The following LRP5 variants were observed in gnomAD, a reference collection of about 807,000 sequenced individuals.
LRP5 encodes low-density lipoprotein receptor-related protein 5.
Under a neutral mutation model 154.1 loss-of-function variants are expected in LRP5, and 62 were observed. The observed-to-expected ratio is 0.40, with a 90% CI of 0.33 to 0.50. The LOEUF is 0.50. Ranked by LOEUF, LRP5 falls within the 20% of genes least tolerant of loss-of-function variation. LRP5 has a pLI of 0.55. For synonymous variants in LRP5, 966 were observed against 1,011.5 expected (o/e 0.96, Z 0.85); for missense variants, 1,915 against 2,336.7 (o/e 0.82, Z 3.72).
At chr11:68,409,095 TAC>T (rs201493195) in intron 9 of LRP5, among the ~76,000 whole-genome samples, 546 of 27,754 alleles carry the variant, frequency 0.02, 29 homozygotes, top group African/African-American at 0.046. Flanking sequence ...TATATATATA[TAC>T]ACACACATAC....
At chr11:68,308,557 G>A (rs7927186), upstream of LRP5, among the ~76,000 whole-genome samples, 1,992 of 152,210 alleles carry the variant, frequency 0.013, 56 homozygotes, top group African/African-American at 0.046. Context: ...CACATCCTCC[G>A]GTTACTTATT....
Position 68,449,054 on chromosome 11 carries a change from G to C in LRP5, c.4832G>C (p.Cys1611Ser). The C allele has an allele frequency of 6.4e-7, 1 of 1,567,474 alleles. No homozygotes were observed. Among genetic ancestry groups the C allele is most frequent in the Non-Finnish European group, 8.6e-7 (1 of 1,159,126 alleles). Residue 1611 changes from cysteine to serine, a missense_variant, in exon 23 of 23, where the codon TGC becomes TCC. Cys to Ser is a moderately radical substitution (Grantham distance 112). Coordinates refer to ENST00000294304, the MANE Select transcript of LRP5 (RefSeq NM_002335.4). ...FHLFPPPPSP[C>S]TDSS is the part of the protein sequence containing the mutation. ...CTCTTCCCGCCCCCTCCGTCCCCCT[G>C]CACGGACTCATCCTGACCTCGGCCG... is the stretch of plus-strand genomic sequence containing the variant.
intron 6 of LRP5, among the ~76,000 whole-genome samples, chr11:68,389,553 A>G (rs1485492252): frequency 6.6e-6 from 1 of 151,300 alleles, no homozygotes; most frequent in Non-Finnish European, 1.5e-5. Context: ...GATGTTTACC[A>G]ACGCCGACGT....
chr11:68,416,142 T>A (rs2098662411), intron 12 of LRP5, among the ~76,000 whole-genome samples, 186 bp from the exon 13 acceptor site: 1 of 152,156 alleles, frequency 6.6e-6, no homozygotes, highest in Non-Finnish European at 1.5e-5. Context: ...GAGACACATA[T>A]GACACGGAGA....
chr11:68,437,931 G>T (rs543168357), intron 19 of LRP5, among the ~76,000 whole-genome samples: 22 of 152,340 alleles, frequency 1.4e-4, no homozygotes, highest in Admixed American at 1.1e-3. Flanking sequence ...TCGCTGGGCC[G>T]GCCCTGTGGG....
chr11:68,374,952 C>T (rs942511195), intron 5 of LRP5, among the ~76,000 whole-genome samples: 5 of 152,232 alleles, frequency 3.3e-5, no homozygotes, highest in African/African-American at 1.2e-4. Context: ...ACTGTGGTCA[C>T]TGGTTTTGTC....
intron 3 of LRP5, among the ~76,000 whole-genome samples, chr11:68,362,124 C>T (rs1259504457): frequency 6.6e-6 from 1 of 152,166 alleles, no homozygotes; most frequent in East Asian, 1.9e-4. Context: ...CATGCTACAG[C>T]CTGGATGAAC....
chr11:68,370,645 A>G (rs2098633548), intron 5 of LRP5, among the ~76,000 whole-genome samples: 1 of 151,482 alleles, frequency 6.6e-6, no homozygotes, highest in Non-Finnish European at 1.5e-5. Flanking sequence ...CTCAGCCGTC[A>G]GGGGTCACCT....
At chr11:68,389,813 C>G in intron 6 of LRP5, 68 bp from the exon 7 acceptor site, 1 of 1,575,004 alleles carries the variant, frequency 6.3e-7, no homozygotes, top group East Asian at 2.2e-5. Context: ...AGGCCTTGCT[C>G]TTGGCACTGG....
chr11:68,445,211 C>T (rs1168881766), intron 21 of LRP5, among the ~76,000 whole-genome samples: 9 of 152,216 alleles, frequency 5.9e-5, no homozygotes, highest in African/African-American at 1.9e-4. Context: ...GGGATTCTCC[C>T]ACCTCAGCCT....
At chr11:68,422,085 A>G (rs1233948428) in intron 13 of LRP5, among the ~76,000 whole-genome samples, 1 of 151,728 alleles carries the variant, frequency 6.6e-6, no homozygotes, top group Non-Finnish European at 1.5e-5. Flanking sequence ...GCGTCACCAT[A>G]CTGAGCTATT....
At chr11:68,331,109 C>T (rs536667461) in intron 1 of LRP5, among the ~76,000 whole-genome samples, 2 of 152,332 alleles carry the variant, frequency 1.3e-5, no homozygotes, top group South Asian at 4.1e-4. Flanking sequence ...TTCTCAGAGC[C>T]TTTAAAATGG....
intron 5 of LRP5, among the ~76,000 whole-genome samples, chr11:68,379,940 T>C (rs1303555790): frequency 6.6e-6 from 1 of 152,218 alleles, no homozygotes; most frequent in Non-Finnish European, 1.5e-5. Context: ...CAGACCAGCC[T>C]GGCCAACATG....
chr11:68,355,076 A>T (rs1280833301), intron 2 of LRP5, among the ~76,000 whole-genome samples: 1 of 152,108 alleles, frequency 6.6e-6, no homozygotes, highest in Non-Finnish European at 1.5e-5. Flanking sequence ...CTCGCTCAGG[A>T]ACGATACCAC....
intron 7 of LRP5, among the ~76,000 whole-genome samples, chr11:68,396,424 A>C (rs2098649406): frequency 6.6e-6 from 1 of 151,964 alleles, no homozygotes; most frequent in Non-Finnish European, 1.5e-5. Flanking sequence ...CGCTAGGAGG[A>C]AGGTGCTTTC....
intron 21 of LRP5, among the ~76,000 whole-genome samples, chr11:68,443,568 TATATATATATA>T (rs1280111285): frequency 9.0e-4 from 38 of 42,038 alleles, no homozygotes; most frequent in African/African-American, 3.1e-3. Flanking sequence ...TATATATATA[TATATATATATA>T]TATATATTTT....
chr11:68,377,114 C>T (rs892773640), intron 5 of LRP5, among the ~76,000 whole-genome samples: 4 of 152,160 alleles, frequency 2.6e-5, no homozygotes, highest in African/African-American at 9.7e-5. Context: ...CACTGCCTGC[C>T]TGGGGAGTGG....
intron 5 of LRP5, among the ~76,000 whole-genome samples, chr11:68,374,500 C>A (rs1337120644): frequency 6.6e-6 from 1 of 152,156 alleles, no homozygotes; most frequent in Admixed American, 6.5e-5. Flanking sequence ...GTGGAAGAAG[C>A]CTGAGTGCTA....
At chr11:68,313,697 G>C (rs1438498605) in intron 1 of LRP5, among the ~76,000 whole-genome samples, 9 of 152,238 alleles carry the variant, frequency 5.9e-5, no homozygotes, top group Admixed American at 5.9e-4. Flanking sequence ...TCGGATGTGC[G>C]TGTTTTGTTT....
Sources: allele counts gnomAD v4.1 joint callset (sites outside exome capture counted in the v4.1 genomes callset), GRCh38; gene constraint gnomAD v4.1.1; transcripts MANE v1.5; gene names NCBI Gene and HGNC (gene_info 2026-07-23, HGNC 2026-07-21).